The following SCAMP1 variants were observed in gnomAD, a reference collection of about 807,000 sequenced individuals.
SCAMP1 encodes the protein secretory carrier membrane protein 1.
SCAMP1 carries 15 observed loss-of-function variants against 41.8 expected under a neutral mutation model. The observed-to-expected ratio is 0.36, with a 90% CI of 0.24 to 0.55. SCAMP1 has a LOEUF of 0.55. SCAMP1 is among the 20% of genes least tolerant of loss of function. The pLI, the probability that SCAMP1 is intolerant of heterozygous loss-of-function variation, is 0.86. For missense variants in SCAMP1, 341 were observed against 412.6 expected (o/e 0.83, Z 1.50); for synonymous variants, 135 against 136.8 (o/e 0.99, Z 0.09).
At chr5:78,465,661 T>C (rs146730587) in intron 8 of SCAMP1, among the ~76,000 whole-genome samples, 9 of 152,358 alleles carry the variant, frequency 5.9e-5, no homozygotes, top group East Asian at 5.8e-4. Context: ...TCATTTTATA[T>C]TCAGGGTCTG....
intron 8 of SCAMP1, among the ~76,000 whole-genome samples, chr5:78,460,595 T>G (rs72760951): frequency 5.4e-5 from 5 of 92,358 alleles, no homozygotes; most frequent in African/African-American, 8.8e-5. Context: ...TAATGGGGTT[T>G]TTTTTTTCTT....
At chr5:78,408,088 T>C (rs1751978073) in intron 2 of SCAMP1, among the ~76,000 whole-genome samples, 1 of 152,186 alleles carries the variant, frequency 6.6e-6, no homozygotes, top group Non-Finnish European at 1.5e-5. Flanking sequence ...ATTAGTCAGT[T>C]CTCATGCTGC....
intron 3 of SCAMP1, among the ~76,000 whole-genome samples, chr5:78,416,113 TATTCTTGC>T (rs1192591779): frequency 6.6e-6 from 1 of 152,178 alleles, no homozygotes; most frequent in African/African-American, 2.4e-5. Context: ...TATTAGAAAA[TATTCTTGC>T]ATTGGTGGCC....
chr5:78,395,648 C>T (rs1019066351), intron 2 of SCAMP1, among the ~76,000 whole-genome samples: 2 of 152,098 alleles, frequency 1.3e-5, no homozygotes, highest in Non-Finnish European at 2.9e-5. Flanking sequence ...AATTTATATC[C>T]TGGTGGTCGT....
chr5:78,459,936 G>T (rs1483112957), intron 8 of SCAMP1, among the ~76,000 whole-genome samples: 1 of 152,004 alleles, frequency 6.6e-6, no homozygotes, highest in Non-Finnish European at 1.5e-5. Context: ...TGGGTCCCCG[G>T]TGTCTGTTTC....
intron 7 of SCAMP1, among the ~76,000 whole-genome samples, chr5:78,453,287 C>T (rs1297604982): frequency 2.1e-4 from 31 of 150,478 alleles, no homozygotes; most frequent in Admixed American, 7.3e-4. Flanking sequence ...TGGTAATGCC[C>T]AGGTTTTCTT....
At chr5:78,391,711 G>A (rs1751510770) in intron 2 of SCAMP1, among the ~76,000 whole-genome samples, 1 of 152,220 alleles carries the variant, frequency 6.6e-6, no homozygotes, top group Non-Finnish European at 1.5e-5. Flanking sequence ...CTCCAGCCTG[G>A]GCGCCATTGA....
At chr5:78,361,576 A>G (rs1750653510) in intron 1 of SCAMP1, among the ~76,000 whole-genome samples, 1 of 152,242 alleles carries the variant, frequency 6.6e-6, no homozygotes, top group Non-Finnish European at 1.5e-5. Context: ...AGAATCCTGC[A>G]AAGGAAGGCG....
In SCAMP1 at chr5:78,363,201, T is replaced by C. The variant is rs1750704578; in HGVS notation, c.57+2473T>C. Among the ~76,000 whole-genome samples, 4 of 146,804 alleles carry C rather than the reference T, an allele frequency of 2.7e-5. No homozygotes were observed. In the South Asian group the frequency reaches 8.6e-4, roughly 32 times the overall value. ...GCCACTGCGTTCAAGCAGATCGTTT[T>C]TCTTTCTTTCTTTCTTTCTTTTTTT... On this transcript the variant is annotated intron_variant, in intron 1 of 8. Transcript: ENST00000621999.
chr5:78,413,267 T>G (rs76597724), intron 2 of SCAMP1, among the ~76,000 whole-genome samples: 4,876 of 152,252 alleles, frequency 0.032, 244 homozygotes, highest in African/African-American at 0.1. Context: ...TTGTGTGGGT[T>G]TGTTTCTGTG....
At chr5:78,402,449 T>G (rs1751822888) in intron 2 of SCAMP1, among the ~76,000 whole-genome samples, 1 of 152,226 alleles carries the variant, frequency 6.6e-6, no homozygotes, top group Admixed American at 6.5e-5. Context: ...TAGTTTCATC[T>G]GTTTCTCCTT....
chr5:78,447,103 C>T (rs566853607), intron 6 of SCAMP1, among the ~76,000 whole-genome samples: 1 of 152,336 alleles, frequency 6.6e-6, no homozygotes, highest in South Asian at 2.1e-4. Flanking sequence ...TTGCATGCTC[C>T]TTATGAGAAT....
At chr5:78,437,043 A>T (rs1472312298) in intron 6 of SCAMP1, among the ~76,000 whole-genome samples, 2 of 152,122 alleles carry the variant, frequency 1.3e-5, no homozygotes, top group African/African-American at 2.4e-5. Context: ...GTGTATAGGA[A>T]TGCTTGTGAT....
chr5:78,458,822 A>G lies in SCAMP1; in HGVS notation c.735-423A>G, dbSNP rs10064554. Among the ~76,000 whole-genome samples, 563 of 152,246 alleles carry G rather than the reference A, an allele frequency of 3.7e-3. 1 individual carries two copies. The highest frequency in any genetic ancestry group is 6.0e-3 in the Non-Finnish European group (408 of 68,004). ...TTGAACCCAGGAGGCGGAGATTACA[A>G]TGAGCCGAGATCATGCCACTATACT... On this transcript the variant is annotated intron_variant, in intron 7 of 8. Transcript: ENST00000621999.
chr5:78,450,018 C>A lies in SCAMP1; in HGVS notation c.718C>A (p.His240Asn). The change falls in exon 7 of 9, where the codon CAT becomes AAT. Residue 240 changes from histidine to asparagine, a missense_variant. Physicochemically the swap from His to Asn is moderately conservative, Grantham distance 68. Transcript: ENST00000621999. ...AVHVLQAAGFHNWGNCGWISS... is the reference protein window; with the variant it reads ...AVHVLQAAGFNNWGNCGWISS... ...ACATGTACTCCAAGCTGCAGGATTT[C>A]ATAACTGGGGCAATTGGTAAGTTTT... 1 of 1,552,612 alleles carries A rather than the reference C, an allele frequency of 6.4e-7. No homozygotes were observed. Among genetic ancestry groups the A allele is most frequent in the South Asian group, 1.2e-5 (1 of 81,280 alleles).
chr5:78,391,867 C>T (rs1326591280), intron 2 of SCAMP1, among the ~76,000 whole-genome samples: 5 of 152,180 alleles, frequency 3.3e-5, no homozygotes, highest in South Asian at 2.1e-4. Context: ...ACTGGTCAGG[C>T]GTGGCGGCGC....
At chr5:78,468,108 G>C (rs532755972) in intron 8 of SCAMP1, among the ~76,000 whole-genome samples, 19 of 152,098 alleles carry the variant, frequency 1.2e-4, no homozygotes, top group African/African-American at 4.6e-4. Flanking sequence ...AATTTCGTTG[G>C]CTTTCTGTTG....
chr5:78,363,245 C>T (rs1750706396), intron 1 of SCAMP1, among the ~76,000 whole-genome samples: 1 of 151,146 alleles, frequency 6.6e-6, no homozygotes, highest in South Asian at 2.1e-4. Flanking sequence ...CGGAGTCTCC[C>T]TCTGTCGCCC....
At chr5:78,420,706 T>TA (rs554571623) in intron 5 of SCAMP1, among the ~76,000 whole-genome samples, 75 of 151,172 alleles carry the variant, frequency 5.0e-4, no homozygotes, top group African/African-American at 1.3e-3. Flanking sequence ...GAGCTCTTTT[T>TA]AAAAAAAAAC....
Sources: allele counts gnomAD v4.1 joint callset (sites outside exome capture counted in the v4.1 genomes callset), GRCh38; gene constraint gnomAD v4.1.1; transcripts MANE v1.5; gene names NCBI Gene and HGNC (gene_info 2026-07-23, HGNC 2026-07-21).